The following TMEM131 variants were observed in gnomAD, a reference collection of about 807,000 sequenced individuals.
The protein encoded by TMEM131 is transmembrane protein 131, also known as 2610524E03Rik.
In TMEM131, 66 loss-of-function variants were observed where a neutral mutation model predicts 211.6. That is an observed-to-expected ratio of 0.31 (90% CI 0.26 to 0.38). The LOEUF is 0.38. TMEM131 is among the 10% of genes least tolerant of loss of function. The pLI is 1.00. For synonymous variants in TMEM131, 844 were observed against 841.3 expected, an observed-to-expected ratio of 1.00 and a Z score of -0.06; for missense variants, 2,036 against 2,299.3, an observed-to-expected ratio of 0.89 and a Z score of 2.34.
Position 97,766,222 on chromosome 2 carries a change from T to C in TMEM131, c.4615A>G (p.Lys1539Glu), listed in dbSNP as rs761559423. The C allele has an allele frequency of 6.2e-7, 1 of 1,614,070 alleles. No individual in the cohort carries two copies. The highest frequency in any genetic ancestry group is 1.7e-5 in the Admixed American group (1 of 60,030). The change falls in exon 35 of 41, where the codon AAA becomes GAA. Residue 1539 changes from lysine (K) to glutamate (E), a missense_variant. Transcript: ENST00000186436. Reference protein sequence around the residue: ...LVDNRPPALAKFLPNSQELGN... With the variant: ...LVDNRPPALAEFLPNSQELGN... ...AATTCTTGACTATTCGGGAGGAATT[T>C]TGCTAGGGCAGGTGGTCTGTTATCC...
Position 97,804,621 on chromosome 2 carries a change from CAA to C in TMEM131, c.2402+465_2402+466del, listed in dbSNP as rs71386034. ...TTGGTGACAGAGTGAGACTCCGTCT[CAA>C]AAAAAAAAAAAAAAAAAAAAGGAAG... On this transcript the variant is annotated intron_variant, in intron 22 of 40. Coordinates refer to ENST00000186436, the MANE Select transcript of TMEM131 (RefSeq NM_015348.2). Among the ~76,000 whole-genome samples the C allele has an allele frequency of 6.8e-3, 487 of 71,884 alleles. 1 individual carries two copies. The highest frequency in any genetic ancestry group is 0.023 in the African/African-American group (407 of 17,648). The allele number at this position is 71,884 out of a possible 152,430, so 47.2% of individuals were successfully genotyped here. A position where few individuals can be genotyped will look rare whatever the true frequency, so the allele number is the denominator to read the frequency against.
rs1038531731 is a variant in TMEM131 at position 97,878,441 on chromosome 2, G to C, written c.359+9611C>G. ...CACTATTCACAATAGCAAAGACTTG[G>C]AAGCAACTCATATGTCCATCAATAG... On this transcript the variant is annotated intron_variant, in intron 4 of 40. Coordinates refer to ENST00000186436, the MANE Select transcript of TMEM131 (RefSeq NM_015348.2). Among the ~76,000 whole-genome samples, 3 of 152,206 alleles carry C rather than the reference G, an allele frequency of 2.0e-5. 1 individual carries two copies. The highest frequency in any genetic ancestry group is 4.4e-5 in the Non-Finnish European group (3 of 68,040).
chr2:97,866,351 T>C (rs375188737), intron 4 of TMEM131, among the ~76,000 whole-genome samples: 14 of 152,258 alleles, frequency 9.2e-5, no homozygotes, highest in South Asian at 6.2e-4. Context: ...AATTGCCCTG[T>C]AATCTTCTTT....
chr2:97,782,797 T>G (rs1680071949), intron 31 of TMEM131, among the ~76,000 whole-genome samples: 1 of 149,164 alleles, frequency 6.7e-6, no homozygotes, highest in African/African-American at 2.5e-5. Flanking sequence ...GAAAATGGAC[T>G]AAAAAAAAAG....
At chr2:97,839,681 C>T (rs965615742) in intron 7 of TMEM131, among the ~76,000 whole-genome samples, 2 of 152,162 alleles carry the variant, frequency 1.3e-5, no homozygotes, top group Admixed American at 6.6e-5. Flanking sequence ...GTGGTGTCCA[C>T]GAGGAAGGGC....
intron 35 of TMEM131, 77 bp from the exon 36 acceptor site, chr2:97,762,277 T>C: frequency 7.0e-7 from 1 of 1,431,428 alleles, no homozygotes; most frequent in Non-Finnish European, 9.7e-7. Flanking sequence ...GAATGTTCTC[T>C]AAGACTATGC....
Position 97,776,114 on chromosome 2 carries a change from C to T in TMEM131, c.4145-96G>A, listed in dbSNP as rs1038106624. ...TGTCACCCAGGCTGGAGTGCAGTGG[C>T]GAGATCTTGGCTCACTGCAAGCTCC... On this transcript the variant is annotated intron_variant, in intron 31 of 40. Coordinates refer to ENST00000186436, the MANE Select transcript of TMEM131 (RefSeq NM_015348.2). The T allele has an allele frequency of 1.5e-5, 20 of 1,303,420 alleles. No homozygotes were observed. The Admixed American group carries it at 1.7e-4, about 11-fold the overall frequency. The allele number at this position is 1,303,420 out of a possible 1,614,324, so 80.7% of individuals were successfully genotyped here.
intron 1 of TMEM131, among the ~76,000 whole-genome samples, chr2:97,962,876 T>C (rs766070289): frequency 6.6e-6 from 1 of 152,162 alleles, no homozygotes; most frequent in Non-Finnish European, 1.5e-5. Context: ...TCAAAAGCAT[T>C]ATGCAAACTG....
intron 17 of TMEM131, among the ~76,000 whole-genome samples, chr2:97,811,578 G>A (rs1051257242): frequency 1.3e-5 from 2 of 152,184 alleles, no homozygotes; most frequent in Non-Finnish European, 2.9e-5. Context: ...AGGCACACTG[G>A]AGCCACAATT....
intron 1 of TMEM131, among the ~76,000 whole-genome samples, chr2:97,968,130 G>A (rs1679136826): frequency 6.6e-6 from 1 of 151,978 alleles, no homozygotes; most frequent in Non-Finnish European, 1.5e-5. Flanking sequence ...CACACTGAAA[G>A]CTCTTGCAAA....
Position 97,792,833 on chromosome 2 carries a change from C to G in TMEM131, c.3697G>C (p.Glu1233Gln), listed in dbSNP as rs747912883. 6.2e-7 allele frequency: 1 copy of G among 1,613,936 alleles called. No individual in the cohort carries two copies. Among genetic ancestry groups the G allele is most frequent in the South Asian group, 1.1e-5 (1 of 91,072 alleles). ...GAACTGTTTTTGGCTCTGACGTTTT[C>G]CACGTCAGCTGAGTTTCTATTGCTG... ...SHSNRNSADV[E>Q]NVRAKNSSST... Residue 1233 changes from glutamate (E) to glutamine (Q), a missense_variant, in exon 31 of 41, where the codon GAA (glutamate) becomes CAA (glutamine). Transcript: ENST00000186436.
chr2:97,912,856 G>A (rs1573547488), intron 2 of TMEM131, among the ~76,000 whole-genome samples: 1 of 152,198 alleles, frequency 6.6e-6, no homozygotes, highest in East Asian at 1.9e-4. Flanking sequence ...AAGGGGATAT[G>A]CGGGAGGAAA....
chr2:97,892,571 C>T (rs1675425861), intron 3 of TMEM131, among the ~76,000 whole-genome samples: 1 of 152,158 alleles, frequency 6.6e-6, no homozygotes, highest in Non-Finnish European at 1.5e-5. Context: ...CTATGTTCCC[C>T]AGGCTAGTTT....
intron 2 of TMEM131, among the ~76,000 whole-genome samples, chr2:97,916,098 T>G (rs1484512501): frequency 1.3e-5 from 2 of 152,094 alleles, no homozygotes; most frequent in Non-Finnish European, 2.9e-5. Context: ...TAATTTTTAG[T>G]AGAGATGGAG....
At chr2:97,902,010 C>T (rs1392852699) in intron 3 of TMEM131, among the ~76,000 whole-genome samples, 5 of 152,098 alleles carry the variant, frequency 3.3e-5, no homozygotes, top group African/African-American at 9.7e-5. Flanking sequence ...CCTAAACACC[C>T]TGATTTGATC....
chr2:97,785,767 A>G (rs1680218635), intron 31 of TMEM131, among the ~76,000 whole-genome samples: 1 of 152,198 alleles, frequency 6.6e-6, no homozygotes, highest in African/African-American at 2.4e-5. Flanking sequence ...ACATAATCCA[A>G]ATGTTCTTCA....
intron 1 of TMEM131, among the ~76,000 whole-genome samples, chr2:97,966,164 A>C (rs914767158): frequency 6.6e-6 from 1 of 151,806 alleles, no homozygotes; most frequent in Non-Finnish European, 1.5e-5. Flanking sequence ...ACTAGAGCTG[A>C]CAATGCATAC....
chr2:97,887,197 G>T (rs1180704441), intron 4 of TMEM131, among the ~76,000 whole-genome samples: 1 of 152,264 alleles, frequency 6.6e-6, no homozygotes, highest in Non-Finnish European at 1.5e-5. Flanking sequence ...CCGAGGATGT[G>T]TCTGCCAGGG....
chr2:97,833,585 A>G (rs973659973), intron 10 of TMEM131, among the ~76,000 whole-genome samples, 159 bp from the exon 11 acceptor site: 13 of 152,150 alleles, frequency 8.5e-5, no homozygotes, highest in Non-Finnish European at 1.3e-4. Flanking sequence ...TGCTTTACTC[A>G]TAAGGACATT....
Sources: allele counts gnomAD v4.1 joint callset (sites outside exome capture counted in the v4.1 genomes callset), GRCh38; gene constraint gnomAD v4.1.1; transcripts MANE v1.5; gene names NCBI Gene and HGNC (gene_info 2026-07-23, HGNC 2026-07-21).